SGCZ: variants seen among roughly 807,000 people sequenced by gnomAD.
The protein encoded by SGCZ is sarcoglycan zeta, also known as zeta-sarcoglycan.
A neutral mutation model predicts 41.3 loss-of-function variants in SGCZ; 40 were observed. The ratio of observed to expected loss-of-function variants is 0.97; its 90% confidence interval spans 0.75 to 1.26. SGCZ has a LOEUF of 1.26. Ranked by LOEUF, SGCZ falls within the 50% of genes most tolerant of loss-of-function variation. The probability of loss-of-function intolerance (pLI) is 0.00; values close to 1 mark genes in which losing one functional copy is unlikely to be tolerated. For synonymous variants in SGCZ, 206 were observed against 137.5 expected (o/e 1.50, Z -3.49); for missense variants, 552 against 369.8 (o/e 1.49, Z -4.04).
intron 1 of SGCZ, among the ~76,000 whole-genome samples, chr8:14,950,617 C>A (rs978757186): frequency 6.6e-6 from 1 of 151,804 alleles, no homozygotes; most frequent in African/African-American, 2.4e-5. Context: ...AATACTTTTA[C>A]AGTTAGGATG....
chr8:14,577,260 T>G (rs944575421), intron 1 of SGCZ, among the ~76,000 whole-genome samples: 23 of 152,212 alleles, frequency 1.5e-4, no homozygotes, highest in African/African-American at 5.3e-4. Flanking sequence ...CTGCTGTTTT[T>G]CTGCTCGAAT....
intron 5 of SGCZ, among the ~76,000 whole-genome samples, chr8:14,113,165 C>T (rs535391784): frequency 6.6e-6 from 1 of 152,142 alleles, no homozygotes; most frequent in South Asian, 2.1e-4. Flanking sequence ...GTGCAAAAAG[C>T]TATAATTATT....
At chr8:14,138,656 A>G (rs1803275664) in intron 5 of SGCZ, among the ~76,000 whole-genome samples, 1 of 152,202 alleles carries the variant, frequency 6.6e-6, no homozygotes, top group Admixed American at 6.5e-5. Flanking sequence ...CTAAATATAT[A>G]TGCACCCAAT....
chr8:14,917,766 T>C (rs375356354), intron 1 of SGCZ, among the ~76,000 whole-genome samples: 1 of 152,102 alleles, frequency 6.6e-6, no homozygotes, highest in Non-Finnish European at 1.5e-5. Flanking sequence ...CTGTCTTCAT[T>C]TGGAAAAAAA....
chr8:14,223,450 T>A (rs942167761), intron 4 of SGCZ, among the ~76,000 whole-genome samples: 1 of 152,202 alleles, frequency 6.6e-6, no homozygotes, highest in Non-Finnish European at 1.5e-5. Context: ...ATATTTTCAA[T>A]GAATATTGAT....
intron 3 of SGCZ, among the ~76,000 whole-genome samples, chr8:14,289,956 G>C (rs1354151459): frequency 2.0e-5 from 3 of 151,992 alleles, no homozygotes; most frequent in African/African-American, 7.3e-5. Context: ...AGGCAGGAGA[G>C]TGAGTGAGTG....
chr8:14,563,365 C>T (rs570921765), intron 1 of SGCZ, among the ~76,000 whole-genome samples: 44 of 152,164 alleles, frequency 2.9e-4, no homozygotes, highest in African/African-American at 9.1e-4. Flanking sequence ...TCTGGATAGA[C>T]GGCAAAGGCT....
chr8:14,521,618 T>C lies in SGCZ; in HGVS notation c.234+33114A>G, dbSNP rs142789413. On this transcript the variant is annotated intron_variant, in intron 2 of 7. Transcript: ENST00000382080. The stretch of plus-strand genomic sequence containing the variant: ...CCAACAAAGCTGCTGTCAACATTCA[T>C]GTACAGGTTTTTGTCTTCATTTACC... Among the ~76,000 whole-genome samples, 799 of 152,264 alleles carry C rather than the reference T, an allele frequency of 5.2e-3. 7 individuals carry two copies. The highest frequency in any genetic ancestry group is 0.018 in the African/African-American group (741 of 41,570).
At chr8:14,248,273 G>C (rs1182765067) in intron 3 of SGCZ, among the ~76,000 whole-genome samples, 3 of 152,116 alleles carry the variant, frequency 2.0e-5, no homozygotes, top group African/African-American at 2.4e-5. Context: ...CAAGTGATGA[G>C]TTACATAAAA....
chr8:14,920,387 A>G (rs1325208391), intron 1 of SGCZ, among the ~76,000 whole-genome samples: 1 of 152,178 alleles, frequency 6.6e-6, no homozygotes, highest in African/African-American at 2.4e-5. Context: ...ACCTGTTCAA[A>G]TGCACTGTTT....
At chr8:14,413,669 A>T (rs191842232) in intron 2 of SGCZ, among the ~76,000 whole-genome samples, 17 of 152,146 alleles carry the variant, frequency 1.1e-4, no homozygotes, top group African/African-American at 3.1e-4. Flanking sequence ...AAAATAAAGC[A>T]CATTTTACCT....
At chr8:14,396,429 T>C (rs1798922473) in intron 2 of SGCZ, among the ~76,000 whole-genome samples, 2 of 152,080 alleles carry the variant, frequency 1.3e-5, no homozygotes, top group Admixed American at 1.3e-4. Context: ...TCATGGAAAA[T>C]GGTGAGAATT....
chr8:14,824,029 GA>G (rs141376205), intron 1 of SGCZ, among the ~76,000 whole-genome samples: 25 of 150,348 alleles, frequency 1.7e-4, no homozygotes, highest in Middle Eastern at 3.4e-3. Flanking sequence ...AATCTAAAGG[GA>G]AAAAAAAAGG....
chr8:14,801,290 G>A (rs758235897), intron 1 of SGCZ, among the ~76,000 whole-genome samples: 1 of 152,046 alleles, frequency 6.6e-6, no homozygotes, highest in Non-Finnish European at 1.5e-5. Flanking sequence ...TATGCTACTG[G>A]CATTTCATTG....
rs900042074 is a variant in SGCZ at position 14,330,788 on chromosome 8, G to A, written c.235-6584C>T. Among the ~76,000 whole-genome samples, 6 of 151,902 alleles carry A rather than the reference G, an allele frequency of 3.9e-5. No individual in the cohort carries two copies. In the East Asian group the frequency reaches 1.2e-3, roughly 29 times the overall value. On this transcript the variant is annotated intron_variant, in intron 2 of 7. Transcript: ENST00000382080. ...TTACCAGAGAAATGTAATGGCCATA[G>A]TGCTGAGCATTTTGGCATGAAATTA...
At chr8:14,736,598 A>G (rs1051668929) in intron 1 of SGCZ, among the ~76,000 whole-genome samples, 5 of 151,986 alleles carry the variant, frequency 3.3e-5, no homozygotes, top group African/African-American at 7.2e-5. Flanking sequence ...ACACTACACC[A>G]TATTTGTTGT....
Position 14,823,625 on chromosome 8 carries a change from T to C in SGCZ, c.40-268699A>G, listed in dbSNP as rs367588285. On this transcript the variant is annotated intron_variant, in intron 1 of 7. Transcript: ENST00000382080. ...AGAAGGGAATATTTACACACTGTTC[T>C]TGGGACTGTAAACTAGTACATGCAT... 2.0e-5 allele frequency among the ~76,000 whole-genome samples: 3 copies of C among 152,290 alleles called. No individual in the cohort carries two copies. In the East Asian group the frequency reaches 5.8e-4, roughly 29 times the overall value.
At chr8:14,797,272 A>C (rs185318812) in intron 1 of SGCZ, among the ~76,000 whole-genome samples, 11 of 152,242 alleles carry the variant, frequency 7.2e-5, no homozygotes, top group African/African-American at 2.4e-4. Context: ...GGAACTTCCT[A>C]GAGACTTGTT....
chr8:14,480,780 ATATT>A (rs1361794414), intron 2 of SGCZ, among the ~76,000 whole-genome samples: 1 of 152,080 alleles, frequency 6.6e-6, no homozygotes, highest in Non-Finnish European at 1.5e-5. Context: ...GTATTCTTCT[ATATT>A]TATTTCAAAA....
Sources: gnomAD v4.1 joint callset for allele counts (sites outside exome capture counted in the v4.1 genomes callset) on GRCh38, gnomAD v4.1.1 for gene constraint, MANE v1.5 for transcripts, NCBI Gene and HGNC (gene_info 2026-07-23, HGNC 2026-07-21) for gene names.